MYRIP: variants seen among roughly 807,000 people sequenced by gnomAD.
MYRIP encodes myosin VIIA and Rab interacting protein, also known as rab effector MyRIP.
In MYRIP, 49 loss-of-function variants were observed where a neutral mutation model predicts 98.0. The observed-to-expected ratio is 0.50, with a 90% confidence interval of 0.40 to 0.63. The LOEUF is 0.63. Among genes scored for constraint, MYRIP ranks in the 30% least tolerant of loss-of-function variants. MYRIP has a pLI of 0.00. For synonymous variants in MYRIP, 404 were observed against 409.5 expected (o/e 0.99, Z 0.16); for missense variants, 1,004 against 1,058.2 (o/e 0.95, Z 0.71).
At chr3:39,884,741 T>A (rs1461026958) in intron 1 of MYRIP, among the ~76,000 whole-genome samples, 3 of 151,988 alleles carry the variant, frequency 2.0e-5, no homozygotes, top group Non-Finnish European at 2.9e-5. Context: ...CGCTCATAAA[T>A]AATTTTTCTT....
chr3:40,015,642 T>TA (rs1488435002), intron 2 of MYRIP, among the ~76,000 whole-genome samples: 1 of 152,222 alleles, frequency 6.6e-6, no homozygotes, highest in Non-Finnish European at 1.5e-5. Context: ...GTAAGCTCCT[T>TA]AGCCAGGACA....
intron 3 of MYRIP, among the ~76,000 whole-genome samples, chr3:40,137,474 A>G (rs1329079009): frequency 6.6e-6 from 1 of 152,238 alleles, no homozygotes; most frequent in Non-Finnish European, 1.5e-5. Flanking sequence ...AACTGGTACC[A>G]TTCCTTCTGA....
chr3:39,944,374 G>A (rs1468547967), intron 2 of MYRIP, among the ~76,000 whole-genome samples: 1 of 152,086 alleles, frequency 6.6e-6, no homozygotes, highest in African/African-American at 2.4e-5. Context: ...ATTAAAAAAA[G>A]AATAAGGAAG....
intron 2 of MYRIP, among the ~76,000 whole-genome samples, chr3:40,011,421 G>T (rs1946758077): frequency 6.6e-6 from 1 of 152,126 alleles, no homozygotes; most frequent in South Asian, 2.1e-4. Context: ...ATCATGGTTT[G>T]GGCGTTTCTT....
chr3:40,188,928 CAAA>C (rs1951118095), intron 9 of MYRIP, among the ~76,000 whole-genome samples: 1 of 152,202 alleles, frequency 6.6e-6, no homozygotes, highest in Admixed American at 6.5e-5. Flanking sequence ...TTAAACAAGA[CAAA>C]ACAACTTTTA....
intron 11 of MYRIP, among the ~76,000 whole-genome samples, chr3:40,212,033 A>G (rs901080133): frequency 6.6e-6 from 1 of 151,356 alleles, no homozygotes; most frequent in Non-Finnish European, 1.5e-5. Context: ...CCATGAGTCA[A>G]TGAATTAAAT....
intron 3 of MYRIP, among the ~76,000 whole-genome samples, chr3:40,120,822 A>G (rs993912469): frequency 6.6e-6 from 1 of 152,252 alleles, no homozygotes; most frequent in African/African-American, 2.4e-5. Context: ...TGACAAATAA[A>G]GAAGCAAGCT....
intron 3 of MYRIP, among the ~76,000 whole-genome samples, chr3:40,118,559 G>GTTTA (rs200357639): frequency 0.014 from 2,086 of 147,084 alleles, 24 homozygotes; most frequent in East Asian, 0.028. Context: ...TGGGTTGAAG[G>GTTTA]TTTATTTATT....
chr3:40,036,321 A>AC (rs1191217673), intron 2 of MYRIP, among the ~76,000 whole-genome samples: 13 of 150,314 alleles, frequency 8.6e-5, no homozygotes, highest in African/African-American at 3.2e-4. Context: ...AAAAAAAAAA[A>AC]AAACTTTATT....
chr3:39,813,176 A>C (rs75056566), intron 1 of MYRIP, among the ~76,000 whole-genome samples: 127 of 152,344 alleles, frequency 8.3e-4, no homozygotes, highest in African/African-American at 2.7e-3. Flanking sequence ...AGCCCTGTCG[A>C]TGCTGAACCT....
intron 2 of MYRIP, among the ~76,000 whole-genome samples, chr3:39,932,039 C>T (rs1944550383): frequency 1.3e-5 from 2 of 152,236 alleles, no homozygotes; most frequent in South Asian, 4.1e-4. Context: ...ACTTATGTCC[C>T]TGAGTTGCAT....
At chr3:40,167,396 G>A (rs979884589) in intron 7 of MYRIP, among the ~76,000 whole-genome samples, 157 bp downstream of exon 7, 1 of 152,172 alleles carries the variant, frequency 6.6e-6, no homozygotes, top group Admixed American at 6.5e-5. Context: ...CCCATGCAGA[G>A]GGAATGCATC....
intron 2 of MYRIP, among the ~76,000 whole-genome samples, chr3:39,996,643 G>A (rs980519387): frequency 1.3e-5 from 2 of 152,174 alleles, no homozygotes; most frequent in East Asian, 1.9e-4. Flanking sequence ...AACTTAACAA[G>A]GATATCCAGG....
At chr3:39,846,411 A>G (rs185710110) in intron 1 of MYRIP, among the ~76,000 whole-genome samples, 132 of 152,106 alleles carry the variant, frequency 8.7e-4, no homozygotes, top group Non-Finnish European at 1.2e-3. Flanking sequence ...CCTTTTCCCT[A>G]TGAGGGCTGT....
chr3:39,816,008 G>A (rs1405870075), intron 1 of MYRIP, among the ~76,000 whole-genome samples: 1 of 146,774 alleles, frequency 6.8e-6, no homozygotes, highest in Admixed American at 6.8e-5. Flanking sequence ...TCCAAAGTTT[G>A]TATTATGAAA....
intron 1 of MYRIP, among the ~76,000 whole-genome samples, chr3:39,899,811 A>G (rs1943703353): frequency 6.6e-6 from 1 of 152,154 alleles, no homozygotes; most frequent in Admixed American, 6.6e-5. Context: ...GCATTATTCC[A>G]TATGCTTATT....
intron 1 of MYRIP, among the ~76,000 whole-genome samples, chr3:39,824,956 G>A (rs985194786): frequency 3.9e-5 from 6 of 152,050 alleles, no homozygotes; most frequent in African/African-American, 1.4e-4. Context: ...GGCCTCAAGT[G>A]ATCCTTCCAC....
Position 40,115,968 on chromosome 3 carries a change from C to A in MYRIP, c.333-35080C>A, listed in dbSNP as rs568290800. Among the ~76,000 whole-genome samples, 4 of 152,178 alleles carry A rather than the reference C, an allele frequency of 2.6e-5. No homozygotes were observed. In the South Asian group the frequency reaches 8.3e-4, roughly 32 times the overall value. On this transcript the variant is annotated intron_variant, in intron 3 of 16. Transcript: ENST00000302541. The stretch of plus-strand genomic sequence containing the variant: ...CACTCTGCCATGGAGACAGCTCATG[C>A]CACTGCAGGTAATGACAACTGCACA...
chr3:39,991,455 T>C (rs1946173619), intron 2 of MYRIP, among the ~76,000 whole-genome samples: 1 of 152,252 alleles, frequency 6.6e-6, no homozygotes, highest in African/African-American at 2.4e-5. Context: ...CTGATGTCCA[T>C]TTGGACATAG....
Sources: gnomAD v4.1 joint callset for allele counts (sites outside exome capture counted in the v4.1 genomes callset) on GRCh38, gnomAD v4.1.1 for gene constraint, MANE v1.5 for transcripts, NCBI Gene and HGNC (gene_info 2026-07-23, HGNC 2026-07-21) for gene names.